SNX29: variants seen among roughly 807,000 people sequenced by gnomAD.
SNX29 encodes the protein sorting nexin 29, also known as sorting nexin-29.
A neutral mutation model predicts 102.1 loss-of-function variants in SNX29; 78 were observed. The ratio of observed to expected loss-of-function variants is 0.76; its 90% confidence interval spans 0.64 to 0.92. The LOEUF is 0.92. Among genes scored for constraint, SNX29 ranks in the 40% least tolerant of loss-of-function variants. SNX29 has a pLI of 0.00. For missense variants in SNX29, 1,280 were observed against 1,061.7 expected, an observed-to-expected ratio of 1.21 and a Z score of -2.86; for synonymous variants, 580 against 414.5, an observed-to-expected ratio of 1.40 and a Z score of -4.85.
intron 11 of SNX29, among the ~76,000 whole-genome samples, chr16:12,088,614 C>G (rs76267116): frequency 6.6e-6 from 1 of 152,312 alleles, no homozygotes; most frequent in Non-Finnish European, 1.5e-5. Context: ...GTATTTTCTT[C>G]TGTTCTTTTA....
chr16:12,461,810 G>A (rs953069173), intron 18 of SNX29, among the ~76,000 whole-genome samples: 1 of 150,542 alleles, frequency 6.6e-6, no homozygotes, highest in African/African-American at 2.4e-5. Flanking sequence ...TACAAAATTA[G>A]CCGGGCATGG....
intron 13 of SNX29, among the ~76,000 whole-genome samples, chr16:12,174,771 G>A (rs770083169): frequency 6.6e-6 from 1 of 152,218 alleles, no homozygotes; most frequent in Admixed American, 6.5e-5. Context: ...TGACATGGAT[G>A]TGGGATCTGT....
At chr16:12,214,700 A>G (rs2077276114) in intron 14 of SNX29, among the ~76,000 whole-genome samples, 2 of 151,154 alleles carry the variant, frequency 1.3e-5, no homozygotes. Flanking sequence ...GTAGAAATAG[A>G]CTCCCTCCTT....
At chr16:12,501,770 A>G (rs571230765) in intron 19 of SNX29, among the ~76,000 whole-genome samples, 1 of 150,598 alleles carries the variant, frequency 6.6e-6, no homozygotes, top group East Asian at 2.0e-4. Flanking sequence ...TAAAAGATCT[A>G]CATGGTTCCT....
chr16:12,094,765 C>G (rs1304553951), intron 11 of SNX29, among the ~76,000 whole-genome samples: 1 of 152,182 alleles, frequency 6.6e-6, no homozygotes, highest in Non-Finnish European at 1.5e-5. Flanking sequence ...CTCCTCCCAA[C>G]ACAGCATTAT....
rs149802390 is a variant in SNX29, at chr16:12,494,372, G to C, written c.2178+16513G>C. ...CCTTCCTCGCTGGACTTGTTTTCTG[G>C]GGGAGCAGTTCCGCATCAGACTCCG... On this transcript the variant is annotated intron_variant, in intron 19 of 20. Transcript: ENST00000566228. Among the ~76,000 whole-genome samples, 411 of 152,246 alleles carry C rather than the reference G, an allele frequency of 2.7e-3. 5 individuals carry two copies. The highest frequency in any genetic ancestry group is 9.4e-3 in the African/African-American group (391 of 41,544).
intron 20 of SNX29, among the ~76,000 whole-genome samples, chr16:12,547,313 C>A (rs1043807408): frequency 2.6e-5 from 4 of 152,252 alleles, no homozygotes; most frequent in African/African-American, 9.6e-5. Context: ...CCAGGGTAGC[C>A]CAGGAACAGA....
intron 20 of SNX29, among the ~76,000 whole-genome samples, chr16:12,533,807 A>G (rs984362858): frequency 6.6e-6 from 1 of 152,180 alleles, no homozygotes. Flanking sequence ...GGCCCCATCA[A>G]AAGGGATCAG....
chr16:12,418,435 T>G (rs2084732859), intron 18 of SNX29, among the ~76,000 whole-genome samples: 1 of 152,158 alleles, frequency 6.6e-6, no homozygotes, highest in Non-Finnish European at 1.5e-5. Context: ...AGGGACCTGT[T>G]CAGTCTGGCT....
chr16:12,469,488 G>A (rs909651064), intron 18 of SNX29, among the ~76,000 whole-genome samples: 10 of 152,164 alleles, frequency 6.6e-5, no homozygotes, highest in African/African-American at 1.7e-4. Flanking sequence ...TTGAAGAATC[G>A]TTGTTATCCT....
chr16:12,083,299 A>G (rs2052000557), intron 11 of SNX29, among the ~76,000 whole-genome samples: 4 of 135,928 alleles, frequency 2.9e-5, no homozygotes, highest in South Asian at 4.6e-4. Flanking sequence ...GAGCAAGACT[A>G]TGTCTCAAAA....
chr16:12,139,390 A>C (rs537966662), intron 13 of SNX29, among the ~76,000 whole-genome samples: 1 of 152,196 alleles, frequency 6.6e-6, no homozygotes, highest in South Asian at 2.1e-4. Context: ...TGTGCGATCC[A>C]TGAGGGCAGT....
At chr16:12,151,132 C>T (rs968701479) in intron 13 of SNX29, among the ~76,000 whole-genome samples, 1 of 152,216 alleles carries the variant, frequency 6.6e-6, no homozygotes, top group African/African-American at 2.4e-5. Context: ...ACCCATCCCC[C>T]AGTCTTCGCA....
At chr16:12,019,370 T>C (rs548098141) in intron 3 of SNX29, among the ~76,000 whole-genome samples, 2 of 151,808 alleles carry the variant, frequency 1.3e-5, no homozygotes, top group African/African-American at 4.8e-5. Context: ...CATGCCCGGC[T>C]ACTTTTTTGT....
chr16:12,248,897 C>T (rs1427503534), intron 14 of SNX29, among the ~76,000 whole-genome samples: 1 of 152,182 alleles, frequency 6.6e-6, no homozygotes, highest in Non-Finnish European at 1.5e-5. Flanking sequence ...GTTCTATTCT[C>T]TGCCGAGTCT....
At chr16:12,312,110 G>A (rs973777446) in intron 15 of SNX29, among the ~76,000 whole-genome samples, 5 of 152,180 alleles carry the variant, frequency 3.3e-5, no homozygotes, top group Admixed American at 3.3e-4. Context: ...GGGAAATGTA[G>A]TCTTTATCTT....
chr16:12,544,143 G>A (rs192852072), intron 20 of SNX29, among the ~76,000 whole-genome samples: 14 of 152,292 alleles, frequency 9.2e-5, no homozygotes, highest in East Asian at 5.8e-4. Context: ...TATATTCACC[G>A]GCATCATTCC....
At chr16:12,181,823 G>C (rs559252045) in intron 13 of SNX29, among the ~76,000 whole-genome samples, 22 of 151,890 alleles carry the variant, frequency 1.4e-4, no homozygotes, top group South Asian at 4.2e-4. Context: ...TTATATTTTG[G>C]GGTTTATGGG....
rs9936275 is a variant in SNX29, at chr16:12,466,921, A to G, written c.2038-10798A>G. Among the ~76,000 whole-genome samples the G allele has an allele frequency of 3.2e-3, 490 of 152,302 alleles. 6 individuals carry two copies. Among genetic ancestry groups the G allele is most frequent in the Middle Eastern group, 0.014 (4 of 294 alleles). On this transcript the variant is annotated intron_variant, in intron 18 of 20. Transcript: ENST00000566228. ...TCCTTTGGTGGAAATGGTCCAGTCC[A>G]TGGCATATCTACTCATAGACTTTGT...
Sources: allele counts gnomAD v4.1 joint callset (sites outside exome capture counted in the v4.1 genomes callset), GRCh38; gene constraint gnomAD v4.1.1; transcripts MANE v1.5; gene names NCBI Gene and HGNC (gene_info 2026-07-23, HGNC 2026-07-21).